PTPRJ: variants seen among roughly 807,000 people sequenced by gnomAD.
PTPRJ encodes receptor-type tyrosine-protein phosphatase eta.
In PTPRJ, 129 loss-of-function variants were observed where a neutral mutation model predicts 141.3. The ratio of observed to expected loss-of-function variants is 0.91; its 90% CI spans 0.79 to 1.06. The LOEUF is 1.06. Among genes scored for constraint, PTPRJ ranks in the 50% least tolerant of loss-of-function variants. The probability of loss-of-function intolerance (pLI) is 0.00; values close to 1 mark genes in which losing one functional copy is unlikely to be tolerated. For synonymous variants in PTPRJ, 610 were observed against 640.5 expected, an observed-to-expected ratio of 0.95 and a Z score of 0.72; for missense variants, 1,601 against 1,679.7, an observed-to-expected ratio of 0.95 and a Z score of 0.82.
intron 1 of PTPRJ, among the ~76,000 whole-genome samples, chr11:48,061,926 T>TA (rs1419735682): frequency 0.039 from 5,708 of 144,810 alleles, 114 homozygotes; most frequent in Non-Finnish European, 0.046. Context: ...TTTTTTTTTT[T>TA]TTTCTTTTGA....
chr11:48,081,481 C>T (rs535872217), intron 1 of PTPRJ, among the ~76,000 whole-genome samples: 51 of 152,230 alleles, frequency 3.4e-4, no homozygotes, highest in African/African-American at 1.1e-3. Context: ...TGGGGCTGGC[C>T]GGACTTTGGG....
intron 1 of PTPRJ, among the ~76,000 whole-genome samples, chr11:48,000,881 G>A (rs552206314): frequency 7.9e-4 from 120 of 151,786 alleles, no homozygotes; most frequent in African/African-American, 2.5e-3. Context: ...TGCCTCAAAA[G>A]CATGCTTGCT....
chr11:48,039,798 T>C (rs1027132477), intron 1 of PTPRJ, among the ~76,000 whole-genome samples: 1 of 152,042 alleles, frequency 6.6e-6, no homozygotes, highest in Non-Finnish European at 1.5e-5. Flanking sequence ...CTTTCTTTTT[T>C]TTTTTTTGAG....
intron 24 of PTPRJ, among the ~76,000 whole-genome samples, chr11:48,164,731 A>G (rs1857877180): frequency 1.3e-5 from 2 of 151,730 alleles, no homozygotes; most frequent in African/African-American, 4.8e-5. Context: ...ATGCCCAGCT[A>G]ATTTTTGTAA....
chr11:47,981,244 C>A (rs934579583), intron 1 of PTPRJ, among the ~76,000 whole-genome samples: 6 of 152,242 alleles, frequency 3.9e-5, no homozygotes, highest in Admixed American at 3.3e-4. Flanking sequence ...TGCCGCGGTG[C>A]CCGAGCCTCC....
chr11:48,066,348 A>G (rs1182527427), intron 1 of PTPRJ, among the ~76,000 whole-genome samples: 4 of 152,112 alleles, frequency 2.6e-5, no homozygotes, highest in Non-Finnish European at 5.9e-5. Context: ...TGTATTTTAT[A>G]CATTAAGTAT....
intron 19 of PTPRJ, among the ~76,000 whole-genome samples, chr11:48,154,960 C>T (rs1857566973): frequency 6.6e-6 from 1 of 152,118 alleles, no homozygotes; most frequent in South Asian, 2.1e-4. Flanking sequence ...CAGGTCAGTA[C>T]TAGACTTAGC....
At chr11:48,082,397 C>T (rs1225250232) in intron 1 of PTPRJ, among the ~76,000 whole-genome samples, 5 of 147,278 alleles carry the variant, frequency 3.4e-5, no homozygotes, top group African/African-American at 9.9e-5. Flanking sequence ...GCTTACACCA[C>T]CATACCTGGC....
intron 1 of PTPRJ, among the ~76,000 whole-genome samples, chr11:48,085,962 T>G (rs1204003869): frequency 6.6e-6 from 1 of 151,934 alleles, no homozygotes; most frequent in Non-Finnish European, 1.5e-5. Flanking sequence ...GGCCCAGGGG[T>G]CTGGGGGTGG....
chr11:48,073,471 A>G (rs1195177382), intron 1 of PTPRJ, among the ~76,000 whole-genome samples: 1 of 152,212 alleles, frequency 6.6e-6, no homozygotes, highest in Non-Finnish European at 1.5e-5. Flanking sequence ...AGATAACTGT[A>G]AGTGCTTAGC....
intron 1 of PTPRJ, among the ~76,000 whole-genome samples, chr11:48,062,340 C>G (rs552075408): frequency 6.6e-6 from 1 of 152,028 alleles, no homozygotes; most frequent in Non-Finnish European, 1.5e-5. Context: ...GGTGAAACCC[C>G]GTCTCTACTA....
chr11:48,008,033 C>T (rs1055831127), intron 1 of PTPRJ, among the ~76,000 whole-genome samples: 6 of 152,248 alleles, frequency 3.9e-5, no homozygotes, highest in East Asian at 3.9e-4. Context: ...TATTCAGTAA[C>T]GTATCTATTT....
chr11:47,985,150 CTGTTTT>C (rs1854017315), intron 1 of PTPRJ, among the ~76,000 whole-genome samples: 1 of 151,898 alleles, frequency 6.6e-6, no homozygotes, highest in Non-Finnish European at 1.5e-5. Flanking sequence ...CGTGCCCGGC[CTGTTTT>C]TGTTTTTAAG....
chr11:48,082,284 G>A (rs1407179278), intron 1 of PTPRJ, among the ~76,000 whole-genome samples: 1 of 152,126 alleles, frequency 6.6e-6, no homozygotes, highest in Non-Finnish European at 1.5e-5. Flanking sequence ...TGTCCAGGCT[G>A]GAGGCTGAAG....
At chr11:48,068,139 T>G (rs73464881) in intron 1 of PTPRJ, among the ~76,000 whole-genome samples, 2,318 of 152,066 alleles carry the variant, frequency 0.015, 60 homozygotes, top group African/African-American at 0.054. Context: ...ATGTTAGCGA[T>G]GGCTAGATTG....
intron 1 of PTPRJ, among the ~76,000 whole-genome samples, chr11:48,021,608 C>T (rs752986933): frequency 2.6e-5 from 4 of 151,746 alleles, no homozygotes; most frequent in Admixed American, 6.6e-5. Context: ...TTAACCAGCA[C>T]GGCACCCTGC....
At chr11:47,982,647 T>G (rs1238760872) in intron 1 of PTPRJ, among the ~76,000 whole-genome samples, 2 of 151,166 alleles carry the variant, frequency 1.3e-5, no homozygotes, top group Non-Finnish European at 3.0e-5. Context: ...GTATAATATA[T>G]GTAATTTTTT....
chr11:48,071,221 C>T (rs1173828543), intron 1 of PTPRJ, among the ~76,000 whole-genome samples: 1 of 152,082 alleles, frequency 6.6e-6, no homozygotes, highest in Non-Finnish European at 1.5e-5. Context: ...ATAACAGTGG[C>T]CATTGATTGA....
chr11:48,004,190 G>A (rs147210841), intron 1 of PTPRJ, among the ~76,000 whole-genome samples: 1 of 152,238 alleles, frequency 6.6e-6, no homozygotes, highest in African/African-American at 2.4e-5. Flanking sequence ...ACACATTCCT[G>A]GTTATATCTT....
Sources: allele counts gnomAD v4.1 joint callset (sites outside exome capture counted in the v4.1 genomes callset), GRCh38; gene constraint gnomAD v4.1.1; transcripts MANE v1.5; gene names NCBI Gene and HGNC (gene_info 2026-07-23, HGNC 2026-07-21).